CUX1: variants seen among roughly 807,000 people sequenced by gnomAD.
The protein encoded by CUX1 is protein CASP.
CUX1 carries 31 observed loss-of-function variants against 158.8 expected under a neutral mutation model. That is an observed-to-expected ratio of 0.20 (90% confidence interval 0.15 to 0.26). The LOEUF (loss-of-function observed/expected upper bound fraction) is 0.26, where lower values mean the gene tolerates loss of function less well. CUX1 is among the 10% of genes least tolerant of loss of function. CUX1 has a pLI of 1.00. For synonymous variants in CUX1, 879 were observed against 862.1 expected (o/e 1.02, Z -0.34); for missense variants, 1,589 against 2,014.6 (o/e 0.79, Z 4.04).
rs372260109 is a variant in CUX1, at chr7:101,869,615, C to A, written c.31-46500C>A. Among the ~76,000 whole-genome samples the A allele has an allele frequency of 2.8e-4, 42 of 152,170 alleles. No individual in the cohort carries two copies. The highest frequency in any genetic ancestry group is 9.6e-4 in the African/African-American group (40 of 41,518). ...CGTTAGAAGGTCAGCCAAGGTCAGG[C>A]GGCCAGCAGGGCGGGAGGAGGCGTT... On this transcript the variant is annotated intron_variant, in intron 1 of 23. Coordinates refer to ENST00000292535, the MANE Select transcript of CUX1 (RefSeq NM_181552.4). The surrounding 1 kb of genome is among the most constrained non-coding windows in gnomAD (Gnocchi z 4.5).
intron 1 of CUX1, among the ~76,000 whole-genome samples, chr7:101,875,314 G>T (rs190033999): frequency 2.4e-4 from 36 of 152,232 alleles, no homozygotes; most frequent in African/African-American, 8.7e-4. Flanking sequence ...AGAAAATACT[G>T]CTATTCACTC....
In CUX1 at chr7:102,013,512, A is replaced by T. The variant is rs1818270191; in HGVS notation, c.142-14586A>T. Among the ~76,000 whole-genome samples the T allele has an allele frequency of 2.0e-5, 3 of 152,214 alleles. No homozygotes were observed. The South Asian group carries it at 6.2e-4, about 31-fold the overall frequency. Reference sequence around the variant, plus strand: ...TCACTATTTGGGAACAGGCCTGAGAAAGCTTGCTTAGAGGAATTCCAAAAG... The same window carrying T: ...TCACTATTTGGGAACAGGCCTGAGATAGCTTGCTTAGAGGAATTCCAAAAG... On this transcript the variant is annotated intron_variant, in intron 2 of 23. Coordinates refer to ENST00000292535, the MANE Select transcript of CUX1 (RefSeq NM_181552.4).
chr7:102,115,128 T>C, intron 7 of CUX1, 79 bp from the exon 8 acceptor site: 1 of 1,288,428 alleles, frequency 7.8e-7, no homozygotes, highest in Non-Finnish European at 1.1e-6. Context: ...CTTTGCCTCT[T>C]TTGAAATGGG....
At chr7:102,136,440 G>A (rs1325579496) in intron 8 of CUX1, among the ~76,000 whole-genome samples, 1 of 150,890 alleles carries the variant, frequency 6.6e-6, no homozygotes, top group Admixed American at 6.6e-5. Context: ...CACCCATGCT[G>A]GAGTGCAGTG....
At chr7:102,217,801 C>CGT (rs1797401492) in intron 20 of CUX1, among the ~76,000 whole-genome samples, 4 of 131,290 alleles carry the variant, frequency 3.0e-5, no homozygotes, top group Non-Finnish European at 4.6e-5. Flanking sequence ...TGGATGGACA[C>CGT]GATGGTGTCT....
intron 8 of CUX1, among the ~76,000 whole-genome samples, chr7:102,129,337 A>G (rs1320715379): frequency 1.3e-5 from 2 of 152,132 alleles, no homozygotes; most frequent in African/African-American, 4.8e-5. Context: ...CAAAAGTTCC[A>G]AGTTCAAACC....
chr7:101,825,092 G>T (rs747887090), intron 1 of CUX1, among the ~76,000 whole-genome samples: 1 of 152,142 alleles, frequency 6.6e-6, no homozygotes, highest in South Asian at 2.1e-4. Context: ...GTCAGCAACC[G>T]CCCGGAGAAT....
chr7:102,200,308 G>C (rs1795282386), intron 17 of CUX1, 136 bp downstream of exon 17: 1 of 654,736 alleles, frequency 1.5e-6, no homozygotes, highest in Non-Finnish European at 2.5e-6. Context: ...TAGGCACGTA[G>C]AGAGAAGCAG....
intron 2 of CUX1, among the ~76,000 whole-genome samples, chr7:101,950,114 G>T (rs987334750): frequency 6.6e-6 from 1 of 151,204 alleles, no homozygotes; most frequent in Admixed American, 6.6e-5. Flanking sequence ...GGGTTTAAGC[G>T]TTCTCGTGCC....
At chr7:102,162,898 A>T (rs1554507637) in intron 9 of CUX1, among the ~76,000 whole-genome samples, 1 of 152,130 alleles carries the variant, frequency 6.6e-6, no homozygotes, top group Non-Finnish European at 1.5e-5. Context: ...GCTCCCTGTC[A>T]CCAGAGCTAT....
At chr7:101,858,937 G>A (rs531360563) in intron 1 of CUX1, among the ~76,000 whole-genome samples, 1 of 152,246 alleles carries the variant, frequency 6.6e-6, no homozygotes, top group South Asian at 2.1e-4. Context: ...GGGAATGGCT[G>A]TTTAATCACA....
At chr7:101,962,601 A>T (rs931580079) in intron 2 of CUX1, among the ~76,000 whole-genome samples, 1 of 152,196 alleles carries the variant, frequency 6.6e-6, no homozygotes, top group Non-Finnish European at 1.5e-5. Context: ...GGATGATAGA[A>T]GCGAGCTGAA....
At chr7:101,955,024 A>G (rs1809584821) in intron 2 of CUX1, among the ~76,000 whole-genome samples, 1 of 152,052 alleles carries the variant, frequency 6.6e-6, no homozygotes. Flanking sequence ...TGCAAAAATC[A>G]ACTGGGCCTG....
chr7:102,245,469 A>T (rs879985663), intron 23 of CUX1, among the ~76,000 whole-genome samples: 1 of 152,198 alleles, frequency 6.6e-6, no homozygotes, highest in African/African-American at 2.4e-5. Flanking sequence ...GCATGGAAAC[A>T]CAAGCCCCAT....
At chr7:102,043,543 A>C (rs1409102238) in intron 3 of CUX1, among the ~76,000 whole-genome samples, 1 of 152,078 alleles carries the variant, frequency 6.6e-6, no homozygotes, top group East Asian at 1.9e-4. Flanking sequence ...ATTTTGGTAC[A>C]CGCAGGGGGT....
At chr7:102,066,096 G>A (rs1375816296) in intron 3 of CUX1, among the ~76,000 whole-genome samples, 2 of 152,156 alleles carry the variant, frequency 1.3e-5, no homozygotes, top group Admixed American at 6.6e-5. Context: ...GCTCAGTGGA[G>A]TGGTTTTAAA....
intron 2 of CUX1, among the ~76,000 whole-genome samples, chr7:101,972,134 T>C (rs1812035194): frequency 6.6e-6 from 1 of 151,958 alleles, no homozygotes; most frequent in African/African-American, 2.4e-5. Flanking sequence ...GCCCAGCTAA[T>C]TTTTTGTATT....
chr7:102,082,653 A>T lies in CUX1; in HGVS notation c.268+12236A>T, dbSNP rs186183056. 4.7e-5 allele frequency among the ~76,000 whole-genome samples: 7 copies of T among 147,674 alleles called. 1 individual carries two copies. Among genetic ancestry groups the T allele is most frequent in the Non-Finnish European group, 1.1e-4 (7 of 65,306 alleles). On this transcript the variant is annotated intron_variant, in intron 4 of 23. Transcript: ENST00000292535. ...AAGTTCCCTTCTGATCCCAGTACCC[A>T]GCAACTGCTGTTCTGCTCTTTGTCA...
intron 8 of CUX1, among the ~76,000 whole-genome samples, chr7:102,135,547 G>A (rs1554498507): frequency 6.6e-6 from 1 of 151,124 alleles, no homozygotes; most frequent in Non-Finnish European, 1.5e-5. Flanking sequence ...CCATATTTGA[G>A]GGTCAACTTG....
Sources: allele counts gnomAD v4.1 joint callset (sites outside exome capture counted in the v4.1 genomes callset), GRCh38; gene constraint gnomAD v4.1.1; non-coding constraint Gnocchi (gnomAD v3.1); transcripts MANE v1.5; gene names NCBI Gene and HGNC (gene_info 2026-07-23, HGNC 2026-07-21).